MT1H: variants seen among roughly 807,000 people sequenced by gnomAD.
MT1H encodes metallothionein 1H.
In MT1H, 8 loss-of-function variants were observed where a neutral mutation model predicts 8.7. That is an observed-to-expected ratio of 0.92 (90% CI 0.54 to 1.66). The LOEUF (loss-of-function observed/expected upper bound fraction) is 1.66, where lower values mean the gene tolerates loss of function less well. Ranked by LOEUF, MT1H falls within the 40% of genes most tolerant of loss-of-function variation. The pLI, the probability that MT1H is intolerant of heterozygous loss-of-function variation, is 0.00. For synonymous variants in MT1H, 32 were observed against 28.9 expected (o/e 1.11, Z -0.34); for missense variants, 84 against 75.2 (o/e 1.12, Z -0.43).
intron 1 of MT1H, 21 bp downstream of exon 1, chr16:56,669,933 G>A: frequency 6.2e-7 from 1 of 1,614,090 alleles, no homozygotes; most frequent in East Asian, 2.2e-5. Flanking sequence ...CCCGGGTTCT[G>A]TGCCTTAGGA....
At position 56,669,833 on chromosome 16, in the gene MT1H, C is replaced by T. The variant is rs1960847233; in HGVS notation, c.-52C>T. 3.1e-6 allele frequency: 5 copies of T among 1,613,868 alleles called. No homozygotes were observed. Among genetic ancestry groups the T allele is most frequent in the Non-Finnish European group, 4.2e-6 (5 of 1,179,968 alleles). The stretch of plus-strand genomic sequence containing the variant: ...CGCTCCACCACGCCCTCCACGTGTT[C>T]CACTGCCTCTTCTCTTCTCGCTTGG... On this transcript the variant is annotated 5_prime_UTR_variant, in exon 1 of 3. Coordinates refer to ENST00000332374, the MANE Select transcript of MT1H (RefSeq NM_005951.2).
In MT1H at chr16:56,670,901, G is replaced by A. The variant is rs1382765567; in HGVS notation, c.98G>A (p.Cys33Tyr). ...TTCTCTCTCCCTTTTTCCCCAGGCT[G>A]CTGCTCCTGTTGCCCCCTGGGCTGT... is the stretch of plus-strand genomic sequence containing the variant. ...KCKCTSCKKSCCSCCPLGCAK... is the reference protein window; with the variant it reads ...KCKCTSCKKSYCSCCPLGCAK... Residue 33 changes from cysteine (C) to tyrosine (Y), a missense_variant, in exon 3 of 3, where the codon TGC becomes TAC. By Grantham distance (194) the Cys-to-Tyr change is radical. Coordinates refer to ENST00000332374, the MANE Select transcript of MT1H (RefSeq NM_005951.2). The A allele has an allele frequency of 3.7e-6, 6 of 1,613,828 alleles. No homozygotes were observed. The South Asian group carries it at 5.5e-5, about 15-fold the overall frequency.
chr16:56,670,975 A>T lies in MT1H; in HGVS notation c.172A>T (p.Ser58Cys). The change falls in exon 3 of 3, where the codon AGC becomes TGC. Residue 58 changes from serine to cysteine, a missense_variant. Transcript: ENST00000332374. ...CICKGASEKC[S>C]CCA Reference sequence around the variant, plus strand: ...CTGCAAAGGGGCGTCAGAGAAGTGCAGCTGCTGTGCCTGATGTCGGGACAG... The same window carrying T: ...CTGCAAAGGGGCGTCAGAGAAGTGCTGCTGCTGTGCCTGATGTCGGGACAG... The T allele has an allele frequency of 6.2e-7, 1 of 1,614,236 alleles. No homozygotes were observed. The highest frequency in any genetic ancestry group is 8.5e-7 in the Non-Finnish European group (1 of 1,180,040).
intron 1 of MT1H, 119 bp from the exon 2 acceptor site, chr16:56,670,386 TG>T: frequency 6.9e-7 from 1 of 1,439,762 alleles, no homozygotes; most frequent in Non-Finnish European, 9.6e-7. Context: ...TTCTGCTGAG[TG>T]GGAAAGGAGC....
At chr16:56,670,684 C>A (rs1477825131) in intron 2 of MT1H, 113 bp downstream of exon 2, 5 of 1,586,972 alleles carry the variant, frequency 3.2e-6, no homozygotes, top group Non-Finnish European at 4.3e-6. Context: ...CACTGCCTTT[C>A]CAGTCTTCTG....
In MT1H at chr16:56,670,946, G is replaced by A; in HGVS notation, c.143G>A (p.Cys48Tyr). Residue 48 changes from cysteine to tyrosine, a missense_variant, in exon 3 of 3, where the codon TGC becomes TAC. Coordinates refer to ENST00000332374, the MANE Select transcript of MT1H (RefSeq NM_005951.2). ...PLGCAKCAQG[C>Y]ICKGASEKCS... is the part of the protein sequence containing the mutation. ...GGCTGTGCCAAGTGTGCCCAGGGCT[G>A]CATCTGCAAAGGGGCGTCAGAGAAG... 6.2e-7 allele frequency: 1 copy of A among 1,614,232 alleles called. No homozygotes were observed. The highest frequency in any genetic ancestry group is 1.1e-5 in the South Asian group (1 of 91,090).
rs746346804 is a variant in MT1H, at chr16:56,671,013, A to G, written c.*24A>G. ...GATGTCGGGACAGCCCTGCTGTCAGATGAAAACAGAATGACACGTAAAATC... is the reference window on the plus strand; with the variant it reads ...GATGTCGGGACAGCCCTGCTGTCAGGTGAAAACAGAATGACACGTAAAATC... On this transcript the variant is annotated 3_prime_UTR_variant, in exon 3 of 3. Coordinates refer to ENST00000332374, the MANE Select transcript of MT1H (RefSeq NM_005951.2). The G allele has an allele frequency of 1.2e-5, 20 of 1,605,670 alleles. No individual in the cohort carries two copies. Among genetic ancestry groups the G allele is most frequent in the Non-Finnish European group, 1.6e-5 (19 of 1,177,794 alleles).
rs1196019044 is a variant in MT1H at position 56,670,586 on chromosome 16, A to T, written c.94+15A>T. The T allele has an allele frequency of 2.5e-6, 4 of 1,614,232 alleles. No homozygotes were observed. Among genetic ancestry groups the T allele is most frequent in the Non-Finnish European group, 3.4e-6 (4 of 1,180,036 alleles). ...CTGCAAGAAGAGTGAGTGCGGGGCCATCTCCAGGAATCTGGGGCTGTGGCT... is the reference window on the plus strand; with the variant it reads ...CTGCAAGAAGAGTGAGTGCGGGGCCTTCTCCAGGAATCTGGGGCTGTGGCT... On this transcript the variant is annotated intron_variant, in intron 2 of 2. Coordinates refer to ENST00000332374, the MANE Select transcript of MT1H (RefSeq NM_005951.2).
At chr16:56,670,798 A>G (rs1466991107) in intron 2 of MT1H, 100 bp from the exon 3 acceptor site, 1 of 1,563,252 alleles carries the variant, frequency 6.4e-7, no homozygotes, top group Non-Finnish European at 8.8e-7. Flanking sequence ...TGAACTAAGG[A>G]TCCTCTGGGG....
chr16:56,670,971 G>T lies in MT1H; in HGVS notation c.168G>T (p.Lys56Asn), dbSNP rs765884926. ...GCATCTGCAAAGGGGCGTCAGAGAA[G>T]TGCAGCTGCTGTGCCTGATGTCGGG... Reference protein sequence around the residue: ...QGCICKGASEKCSCCA With the variant: ...QGCICKGASENCSCCA The change falls in exon 3 of 3, where the codon AAG (lysine) becomes AAT (asparagine). Residue 56 changes from lysine to asparagine, a missense_variant. By Grantham distance (94) the Lys-to-Asn change is moderately conservative. Transcript: ENST00000332374. The T allele has an allele frequency of 1.2e-6, 2 of 1,614,254 alleles. No homozygotes were observed. Among genetic ancestry groups the T allele is most frequent in the East Asian group, 4.5e-5 (2 of 44,886 alleles).
chr16:56,670,923 C>T lies in MT1H; in HGVS notation c.120C>T (p.Gly40=). The part of the protein sequence containing the change: ...KKSCCSCCPL[G]CAKCAQGCIC... Reference sequence around the variant, plus strand: ...GCTGCTGCTCCTGTTGCCCCCTGGGCTGTGCCAAGTGTGCCCAGGGCTGCA... The same window carrying T: ...GCTGCTGCTCCTGTTGCCCCCTGGGTTGTGCCAAGTGTGCCCAGGGCTGCA... Residue 40 remains glycine (G), a synonymous_variant, in exon 3 of 3, where the codon GGC becomes GGT. Transcript: ENST00000332374. 1 of 1,614,252 alleles carries T rather than the reference C, an allele frequency of 6.2e-7. No homozygotes were observed. Among genetic ancestry groups the T allele is most frequent in the Non-Finnish European group, 8.5e-7 (1 of 1,180,046 alleles).
At chr16:56,670,776 G>A in intron 2 of MT1H, 122 bp from the exon 3 acceptor site, 2 of 1,532,694 alleles carry the variant, frequency 1.3e-6, no homozygotes, top group African/African-American at 1.4e-5. Context: ...TCCTGAAAAA[G>A]CTGTGCCATC....
rs748601665 is a variant in MT1H, at chr16:56,669,892, C to T, written c.8C>T (p.Pro3Leu). 5.0e-6 allele frequency: 8 copies of T among 1,614,038 alleles called. No individual in the cohort carries two copies. The Admixed American group carries it at 1.3e-4, about 27-fold the overall frequency. Residue 3 changes from proline to leucine, a missense_variant, in exon 1 of 3, where the codon CCC (proline) becomes CTC (leucine). Physicochemically the swap from Pro to Leu is moderately conservative, Grantham distance 98 (BLOSUM62 -3). Coordinates refer to ENST00000332374, the MANE Select transcript of MT1H (RefSeq NM_005951.2). ...GTCTCACCTCGGCTTGCAATGGACC[C>T]CAACTGCTCCTGCGAGGCTGGTAAG... is the stretch of plus-strand genomic sequence containing the variant. MD[P>L]NCSCEAGGSC... is the part of the protein sequence containing the mutation.
intron 2 of MT1H, 81 bp from the exon 3 acceptor site, chr16:56,670,817 T>A: frequency 6.3e-7 from 1 of 1,589,362 alleles, no homozygotes; most frequent in Non-Finnish European, 8.6e-7. Context: ...GGCTGGAGTC[T>A]GAGCTTGAGC....
At chr16:56,670,749 A>T (rs1329988124) in intron 2 of MT1H, 149 bp from the exon 3 acceptor site, 2 of 1,487,992 alleles carry the variant, frequency 1.3e-6, no homozygotes, top group African/African-American at 2.8e-5. Flanking sequence ...GACTCACCCC[A>T]ATATCCACCA....
At position 56,671,120 on chromosome 16, in the gene MT1H, T is replaced by C; in HGVS notation, c.*131T>C. ...AAATATGTGAATAATAATTAAACAC[T>C]TAGACTTGATTCCCGTTCTGGTTCC... On this transcript the variant is annotated 3_prime_UTR_variant, in exon 3 of 3. Coordinates refer to ENST00000332374, the MANE Select transcript of MT1H (RefSeq NM_005951.2). 7.9e-7 allele frequency: 1 copy of C among 1,273,080 alleles called. No homozygotes were observed. Among genetic ancestry groups the C allele is most frequent in the African/African-American group, 1.5e-5 (1 of 66,230 alleles). The allele number at this position is 1,273,080 out of a possible 1,614,324, so 78.9% of individuals were successfully genotyped here.
At chr16:56,670,636 G>A (rs768057910) in intron 2 of MT1H, 65 bp downstream of exon 2, 4 of 1,613,628 alleles carry the variant, frequency 2.5e-6, no homozygotes, top group South Asian at 1.1e-5. Flanking sequence ...ACCCAAGGCT[G>A]GCCCTGAGTG....
chr16:56,670,034 C>T lies in MT1H; in HGVS notation c.28+122C>T, dbSNP rs1960851112. ...GCTGAAGAGGACTTCTTTACTTCCT[C>T]CGCTGCTTTCCTCTTGGCCAAGCTC... On this transcript the variant is annotated intron_variant, in intron 1 of 2. Coordinates refer to ENST00000332374, the MANE Select transcript of MT1H (RefSeq NM_005951.2). 12 of 1,352,092 alleles carry T rather than the reference C, an allele frequency of 8.9e-6. No homozygotes were observed. The South Asian group carries it at 1.1e-4, about 13-fold the overall frequency. The allele number at this position is 1,352,092 out of a possible 1,614,324, so 83.8% of individuals were successfully genotyped here.
At chr16:56,670,628 C>T (rs112983904) in intron 2 of MT1H, 57 bp downstream of exon 2, 1 of 1,613,978 alleles carries the variant, frequency 6.2e-7, no homozygotes, top group African/African-American at 1.3e-5. Flanking sequence ...GGGAGGGAAC[C>T]CAAGGCTGGC....
Sources: gnomAD v4.1 joint callset for allele counts on GRCh38, gnomAD v4.1.1 for gene constraint, MANE v1.5 for transcripts, NCBI Gene and HGNC (gene_info 2026-07-23, HGNC 2026-07-21) for gene names.